The following ZNF521 variants were observed in gnomAD, a reference collection of about 807,000 sequenced individuals.
The protein encoded by ZNF521 is zinc finger protein 521, also known as LYST-interacting protein 3.
A neutral mutation model predicts 105.5 loss-of-function variants in ZNF521; 14 were observed. That is an observed-to-expected ratio of 0.13 (90% CI 0.09 to 0.21). The LOEUF (loss-of-function observed/expected upper bound fraction) is 0.21, where lower values mean the gene tolerates loss of function less well. Ranked by LOEUF, ZNF521 falls within the 10% of genes least tolerant of loss-of-function variation. The probability of loss-of-function intolerance (pLI) is 1.00; values close to 1 mark genes in which losing one functional copy is unlikely to be tolerated. For missense variants in ZNF521, 1,233 were observed against 1,629.7 expected, an observed-to-expected ratio of 0.76 and a Z score of 4.19; for synonymous variants, 635 against 606.0, an observed-to-expected ratio of 1.05 and a Z score of -0.70.
intron 3 of ZNF521, among the ~76,000 whole-genome samples, chr18:25,252,138 T>C (rs1278569605): frequency 1.3e-5 from 2 of 152,142 alleles, no homozygotes; most frequent in Non-Finnish European, 2.9e-5. Flanking sequence ...CCCCTCTTAC[T>C]GCTCCCAGTT....
chr18:25,074,363 T>C (rs574253614), intron 7 of ZNF521, among the ~76,000 whole-genome samples: 1 of 152,304 alleles, frequency 6.6e-6, no homozygotes, highest in South Asian at 2.1e-4. Context: ...CTACTTTAAA[T>C]AAAAAACCCA....
At chr18:25,137,358 T>C (rs2034755174) in intron 5 of ZNF521, among the ~76,000 whole-genome samples, 1 of 152,202 alleles carries the variant, frequency 6.6e-6, no homozygotes, top group South Asian at 2.1e-4. Flanking sequence ...CAAAGGTTTC[T>C]CTACTGTTAG....
intron 5 of ZNF521, among the ~76,000 whole-genome samples, chr18:25,179,077 A>AATGTATTTCTT (rs11272088): frequency 0.39 from 50,998 of 131,982 alleles, 9,630 homozygotes; most frequent in African/African-American, 0.48. Context: ...AACCCTTTGA[A>AATGTATTTCTT]ATGTATTTCT....
intron 7 of ZNF521, among the ~76,000 whole-genome samples, chr18:25,078,219 G>C (rs764121738): frequency 6.6e-6 from 1 of 152,228 alleles, no homozygotes; most frequent in Non-Finnish European, 1.5e-5. Context: ...GCCTGCCTCG[G>C]AACAGAACGA....
rs200357756 is a variant in ZNF521, at chr18:25,150,884, CTTTT to C, written c.3658+44272_3658+44275del. 7.2e-3 allele frequency among the ~76,000 whole-genome samples: 990 copies of C among 138,032 alleles called. 13 individuals are homozygous for C. The highest frequency in any genetic ancestry group is 0.024 in the African/African-American group (944 of 39,430). 90.6% of individuals were successfully genotyped at this position (138,032 alleles called of 152,430 possible). On this transcript the variant is annotated intron_variant, in intron 5 of 7. Coordinates refer to ENST00000361524, the MANE Select transcript of ZNF521 (RefSeq NM_015461.3). ...CAGCTGGCTCCAGCTCTTTTTTTTT[CTTTT>C]TTCTTTTTTTTTTTTTTTGAGACAG...
intron 3 of ZNF521, among the ~76,000 whole-genome samples, chr18:25,305,072 T>A (rs1911897756): frequency 6.6e-6 from 1 of 152,214 alleles, no homozygotes; most frequent in Non-Finnish European, 1.5e-5. Flanking sequence ...TGGTCATTTG[T>A]CGCACAAATG....
At chr18:25,336,998 C>G (rs949986212) in intron 2 of ZNF521, among the ~76,000 whole-genome samples, 1 of 152,174 alleles carries the variant, frequency 6.6e-6, no homozygotes, top group East Asian at 1.9e-4. Flanking sequence ...AACTGTAGTA[C>G]AAGGTGATTT....
At chr18:25,150,935 C>T (rs551376241) in intron 5 of ZNF521, among the ~76,000 whole-genome samples, 1 of 144,350 alleles carries the variant, frequency 6.9e-6, no homozygotes, top group Non-Finnish European at 1.5e-5. Flanking sequence ...GTCACCCAGA[C>T]TGAAGTACAG....
intron 2 of ZNF521, chr18:25,327,766 G>A (rs1913314066): frequency 4.0e-6 from 2 of 500,494 alleles, no homozygotes; most frequent in African/African-American, 1.9e-5. Context: ...CTCTAATGAA[G>A]GAAGGCAGCA....
At chr18:25,266,082 G>T (rs906745452) in intron 3 of ZNF521, among the ~76,000 whole-genome samples, 1 of 152,106 alleles carries the variant, frequency 6.6e-6, no homozygotes, top group South Asian at 2.1e-4. Flanking sequence ...ATGGTTAATA[G>T]GTACAAAACA....
chr18:25,094,863 C>A (rs2033820776), intron 5 of ZNF521, among the ~76,000 whole-genome samples: 1 of 152,014 alleles, frequency 6.6e-6, no homozygotes, highest in Non-Finnish European at 1.5e-5. Flanking sequence ...GAGATAGTAA[C>A]ACAAAACATT....
At chr18:25,298,594 CAT>C (rs1911453192) in intron 3 of ZNF521, among the ~76,000 whole-genome samples, 1 of 152,134 alleles carries the variant, frequency 6.6e-6, no homozygotes, top group Non-Finnish European at 1.5e-5. Flanking sequence ...AGTTTACCCA[CAT>C]ACTTTATATT....
intron 7 of ZNF521, among the ~76,000 whole-genome samples, chr18:25,063,498 T>C (rs2144091803): frequency 6.6e-6 from 1 of 152,140 alleles, no homozygotes; most frequent in South Asian, 2.1e-4. Context: ...CCTTTCTGAG[T>C]GAACACTCTC....
intron 5 of ZNF521, among the ~76,000 whole-genome samples, chr18:25,118,208 G>A (rs956229057): frequency 6.6e-6 from 1 of 151,950 alleles, no homozygotes; most frequent in African/African-American, 2.4e-5. Flanking sequence ...TATCCTTCAA[G>A]AAGGAAGGTG....
chr18:25,339,706 A>T (rs939144247), intron 2 of ZNF521, among the ~76,000 whole-genome samples: 5 of 152,188 alleles, frequency 3.3e-5, no homozygotes, highest in Admixed American at 2.6e-4. Flanking sequence ...GGGGATTCAA[A>T]GAAAAGGGAC....
intron 3 of ZNF521, among the ~76,000 whole-genome samples, chr18:25,274,590 A>G (rs187952267): frequency 6.6e-6 from 1 of 152,328 alleles, no homozygotes. Flanking sequence ...CAAAATGGAA[A>G]CAGGGATAGT....
chr18:25,124,401 AC>A (rs1297789147), intron 5 of ZNF521, among the ~76,000 whole-genome samples: 4 of 152,166 alleles, frequency 2.6e-5, no homozygotes, highest in Non-Finnish European at 5.9e-5. Flanking sequence ...AAACTAAGTA[AC>A]ACATGAATAA....
intron 5 of ZNF521, 101 bp from the exon 6 acceptor site, chr18:25,092,182 C>A (rs2033761225): frequency 2.3e-6 from 3 of 1,332,488 alleles, no homozygotes; most frequent in African/African-American, 2.9e-5. Flanking sequence ...ATTTCCATCA[C>A]CTAATATACA....
intron 5 of ZNF521, among the ~76,000 whole-genome samples, chr18:25,152,774 G>T (rs1314956993): frequency 6.6e-6 from 1 of 152,104 alleles, no homozygotes; most frequent in Non-Finnish European, 1.5e-5. Flanking sequence ...AATTTCATGA[G>T]GAATGAATTT....
Sources: allele counts gnomAD v4.1 joint callset (sites outside exome capture counted in the v4.1 genomes callset), GRCh38; gene constraint gnomAD v4.1.1; transcripts MANE v1.5; gene names NCBI Gene and HGNC (gene_info 2026-07-23, HGNC 2026-07-21).